The following ZFYVE9 variants were observed in gnomAD, a reference collection of about 807,000 sequenced individuals.
ZFYVE9 encodes the protein zinc finger FYVE domain-containing protein 9.
ZFYVE9 carries 43 observed loss-of-function variants against 126.7 expected under a neutral mutation model. The observed-to-expected ratio is 0.34, with a 90% CI of 0.27 to 0.44. The LOEUF is 0.44. Ranked by LOEUF, ZFYVE9 falls within the 20% of genes least tolerant of loss-of-function variation. The pLI, the probability that ZFYVE9 is intolerant of heterozygous loss-of-function variation, is 1.00. For missense variants in ZFYVE9, 1,476 were observed against 1,697.0 expected, an observed-to-expected ratio of 0.87 and a Z score of 2.29; for synonymous variants, 521 against 597.4, an observed-to-expected ratio of 0.87 and a Z score of 1.87.
In ZFYVE9 at chr1:52,293,457, T is replaced by C. The variant is rs1271345670; in HGVS notation, c.3030T>C (p.Asn1010=). The C allele has an allele frequency of 4.3e-6, 7 of 1,610,712 alleles. No individual in the cohort carries two copies. The highest frequency in any genetic ancestry group is 5.9e-6 in the Non-Finnish European group (7 of 1,178,728). Residue 1010 remains asparagine (N), a synonymous_variant, in exon 11 of 19, where the codon AAT becomes AAC. Transcript: ENST00000287727. ...VQLYRDALAG[N]VVSNLGHSFF... ...AATAAACTTTTTTGTTTTTAGGGAA[T>C]GTGGTGAGCAACTTGGGACATTCCT...
At chr1:52,287,152 C>T (rs562238504) in intron 10 of ZFYVE9, among the ~76,000 whole-genome samples, 10 of 152,130 alleles carry the variant, frequency 6.6e-5, no homozygotes, top group African/African-American at 2.4e-4. Flanking sequence ...TGCAGTGTTG[C>T]GATCTTGGCA....
At chr1:52,190,602 C>T (rs994508877) in intron 1 of ZFYVE9, among the ~76,000 whole-genome samples, 2 of 152,124 alleles carry the variant, frequency 1.3e-5, no homozygotes, top group Non-Finnish European at 2.9e-5. Flanking sequence ...AGTAGATTGT[C>T]ATGTCTGGAT....
In ZFYVE9 at chr1:52,142,729, G is replaced by C. The variant is rs1644271659; in HGVS notation, c.-143+326G>C. On this transcript the variant is annotated intron_variant, in intron 1 of 18. Coordinates refer to ENST00000287727, the MANE Select transcript of ZFYVE9 (RefSeq NM_004799.4). The surrounding 1 kb of genome is among the most constrained non-coding windows in gnomAD (Gnocchi z 4.5). ...GGCCGAGCGCAGCCTCTTAGCCCGGGCCCTGCACGTACATCCCGGAGGGAG... is the reference window on the plus strand; with the variant it reads ...GGCCGAGCGCAGCCTCTTAGCCCGGCCCCTGCACGTACATCCCGGAGGGAG... Among the ~76,000 whole-genome samples, 1 of 152,150 alleles carries C rather than the reference G, an allele frequency of 6.6e-6. No homozygotes were observed. The highest frequency in any genetic ancestry group is 6.5e-5 in the Admixed American group (1 of 15,292).
intron 4 of ZFYVE9, among the ~76,000 whole-genome samples, chr1:52,245,265 A>G (rs1645373394): frequency 6.6e-6 from 1 of 152,102 alleles, no homozygotes; most frequent in African/African-American, 2.4e-5. Flanking sequence ...CAAAAAGAAA[A>G]AAAAAAAGGA....
intron 13 of ZFYVE9, among the ~76,000 whole-genome samples, chr1:52,320,664 A>G (rs982107976): frequency 2.0e-5 from 3 of 152,228 alleles, no homozygotes; most frequent in African/African-American, 7.2e-5. Flanking sequence ...ACAGAGTTAA[A>G]ACTAAAACTT....
At chr1:52,179,690 CAAAGA>C (rs1644679084) in intron 1 of ZFYVE9, among the ~76,000 whole-genome samples, 1 of 150,760 alleles carries the variant, frequency 6.6e-6, no homozygotes, top group Non-Finnish European at 1.5e-5. Context: ...CAAAAGGAGA[CAAAGA>C]AAAGAAGAGG....
intron 1 of ZFYVE9, among the ~76,000 whole-genome samples, chr1:52,181,966 G>T (rs1006324318): frequency 6.6e-6 from 1 of 150,578 alleles, no homozygotes; most frequent in Admixed American, 6.6e-5. Context: ...GTCAGCCACC[G>T]CCAGGCCAGC....
In ZFYVE9 at chr1:52,346,442, C is replaced by G. The variant is rs1001614656; in HGVS notation, c.*221C>G. On this transcript the variant is annotated 3_prime_UTR_variant, in exon 19 of 19. Coordinates refer to ENST00000287727, the MANE Select transcript of ZFYVE9 (RefSeq NM_004799.4). The stretch of plus-strand genomic sequence containing the variant: ...TCTATGCATTGTCCACCAAGAAGAT[C>G]TGGGCAGCTTCTGTTCCTGCACAAC... 8.4e-6 allele frequency: 4 copies of G among 477,550 alleles called. No individual in the cohort carries two copies. The highest frequency in any genetic ancestry group is 1.5e-5 in the Non-Finnish European group (4 of 274,940). The allele number at this position is 477,550 out of a possible 1,614,324, so 29.6% of individuals were successfully genotyped here. A position where few individuals can be genotyped will look rare whatever the true frequency, so the allele number is the denominator to read the frequency against.
chr1:52,280,357 A>C (rs1645790837), intron 9 of ZFYVE9, among the ~76,000 whole-genome samples: 1 of 151,658 alleles, frequency 6.6e-6, no homozygotes, highest in African/African-American at 2.4e-5. Context: ...TCCAGCCTGA[A>C]TGACAGAGTG....
rs575277927 is a variant in ZFYVE9, at chr1:52,266,754, A to G, written c.2378A>G (p.Gln793Arg). The change falls in exon 6 of 19, where the codon CAG (glutamine) becomes CGG (arginine). Residue 793 changes from glutamine (Q) to arginine (R), a missense_variant. By Grantham distance (43) the Gln-to-Arg change is conservative. Transcript: ENST00000287727. ...ACTATCCCTCCCTTGCAGCAAGCTCAGGCCTCAGGAGCTCTGAGCTCTCCA... is the reference window on the plus strand; with the variant it reads ...ACTATCCCTCCCTTGCAGCAAGCTCGGGCCTCAGGAGCTCTGAGCTCTCCA... Reference protein sequence around the residue: ...CSTIPPLQQAQASGALSSPPP... With the variant: ...CSTIPPLQQARASGALSSPPP... The G allele has an allele frequency of 2.5e-6, 4 of 1,612,256 alleles. No homozygotes were observed. In the South Asian group the frequency reaches 3.3e-5, roughly 13 times the overall value.
rs185519577 is a variant in ZFYVE9, at chr1:52,274,859, C to G, written c.2746+275C>G. ...CAGTTTTTAAAAATATTTCAAAGCACATAATATTCTGAAGGATTGCTTGTG... is the reference window on the plus strand; with the variant it reads ...CAGTTTTTAAAAATATTTCAAAGCAGATAATATTCTGAAGGATTGCTTGTG... On this transcript the variant is annotated intron_variant, in intron 8 of 18. Transcript: ENST00000287727. Among the ~76,000 whole-genome samples, 210 of 152,222 alleles carry G rather than the reference C, an allele frequency of 1.4e-3. 1 individual carries two copies. Among genetic ancestry groups the G allele is most frequent in the African/African-American group, 4.9e-3 (202 of 41,546 alleles).
intron 2 of ZFYVE9, among the ~76,000 whole-genome samples, chr1:52,220,113 G>A (rs919764763): frequency 1.3e-5 from 2 of 152,140 alleles, no homozygotes; most frequent in African/African-American, 2.4e-5. Context: ...TGGATTCTTA[G>A]TAAGGCAATG....
At chr1:52,333,251 G>C (rs1384047818) in intron 14 of ZFYVE9, among the ~76,000 whole-genome samples, 1 of 150,224 alleles carries the variant, frequency 6.7e-6, no homozygotes, top group Admixed American at 6.7e-5. Context: ...AAACCTGCAT[G>C]TTGTGCACAT....
chr1:52,245,424 T>A (rs1314748380), intron 4 of ZFYVE9, among the ~76,000 whole-genome samples: 1 of 152,096 alleles, frequency 6.6e-6, no homozygotes, highest in Admixed American at 6.5e-5. Flanking sequence ...GTGAGGAGAA[T>A]GAGATACTAA....
chr1:52,231,065 AG>A (rs563246034), intron 2 of ZFYVE9, among the ~76,000 whole-genome samples: 70 of 152,328 alleles, frequency 4.6e-4, no homozygotes, highest in African/African-American at 1.6e-3. Flanking sequence ...TAAATATTGT[AG>A]GTGTATATTG....
intron 1 of ZFYVE9, chr1:52,162,858 T>C (rs769695467): frequency 1.5e-5 from 7 of 465,200 alleles, no homozygotes; most frequent in Non-Finnish European, 2.9e-5. Flanking sequence ...CTCCTTGACA[T>C]TTTGATCTTG....
chr1:52,219,441 G>A (rs556072786), intron 2 of ZFYVE9, among the ~76,000 whole-genome samples: 9 of 151,954 alleles, frequency 5.9e-5, no homozygotes, highest in Non-Finnish European at 1.2e-4. Flanking sequence ...TTTTTTGGCC[G>A]TTCAGATTGC....
intron 1 of ZFYVE9, among the ~76,000 whole-genome samples, chr1:52,153,877 T>C (rs1558029664): frequency 1.3e-5 from 2 of 152,196 alleles, no homozygotes; most frequent in Non-Finnish European, 2.9e-5. Flanking sequence ...ACTTCTTGGT[T>C]CTCAGACCCA....
At chr1:52,316,239 A>G (rs1225073031) in intron 13 of ZFYVE9, among the ~76,000 whole-genome samples, 1 of 150,842 alleles carries the variant, frequency 6.6e-6, no homozygotes, top group Non-Finnish European at 1.5e-5. Flanking sequence ...TAATCCCAAC[A>G]CTTTGGAAGG....
Sources: allele counts gnomAD v4.1 joint callset (sites outside exome capture counted in the v4.1 genomes callset), GRCh38; gene constraint gnomAD v4.1.1; non-coding constraint Gnocchi (gnomAD v3.1); transcripts MANE v1.5; gene names NCBI Gene and HGNC (gene_info 2026-07-23, HGNC 2026-07-21).